Variants in ZNF385B observed in about 807,000 individuals in gnomAD.
ZNF385B encodes zinc finger protein 533.
In ZNF385B, 23 loss-of-function variants were observed where a neutral mutation model predicts 39.2. That is an observed-to-expected ratio of 0.59 (90% CI 0.42 to 0.83). The LOEUF (loss-of-function observed/expected upper bound fraction) is 0.83. Ranked by LOEUF, ZNF385B falls within the 40% of genes least tolerant of loss-of-function variation. The probability of loss-of-function intolerance (pLI) is 0.00; values close to 1 mark genes in which losing one functional copy is unlikely to be tolerated. For missense variants in ZNF385B, 552 were observed against 598.9 expected (o/e 0.92, Z 0.82); for synonymous variants, 205 against 222.6 (o/e 0.92, Z 0.70).
chr2:179,725,908 GTGTA>G (rs1405461952), intron 3 of ZNF385B, among the ~76,000 whole-genome samples: 3 of 111,094 alleles, frequency 2.7e-5, no homozygotes, highest in African/African-American at 8.8e-5. Context: ...GTGTTTGTGT[GTGTA>G]TATATATATA....
intron 5 of ZNF385B, among the ~76,000 whole-genome samples, chr2:179,504,347 G>A (rs2105744231): frequency 6.6e-6 from 1 of 151,932 alleles, no homozygotes; most frequent in East Asian, 1.9e-4. Flanking sequence ...ACGTGTGCAT[G>A]TGTCTTTATA....
intron 3 of ZNF385B, among the ~76,000 whole-genome samples, chr2:179,730,841 A>T (rs2106427506): frequency 6.6e-6 from 1 of 152,316 alleles, no homozygotes; most frequent in South Asian, 2.1e-4. Flanking sequence ...GCAGCCTAAA[A>T]TCAAAAGTAT....
chr2:179,557,469 T>C (rs1217654237), intron 3 of ZNF385B, among the ~76,000 whole-genome samples: 6 of 151,260 alleles, frequency 4.0e-5, no homozygotes, highest in African/African-American at 7.3e-5. Flanking sequence ...CAGTTTATTT[T>C]ATTTTATTAC....
intron 1 of ZNF385B, among the ~76,000 whole-genome samples, chr2:179,822,788 T>C (rs536177681): frequency 6.6e-6 from 1 of 152,200 alleles, no homozygotes; most frequent in Admixed American, 6.5e-5. Flanking sequence ...AATTATTCTT[T>C]GCACACAAAA....
At chr2:179,693,443 T>C (rs1464837492) in intron 3 of ZNF385B, among the ~76,000 whole-genome samples, 1 of 152,242 alleles carries the variant, frequency 6.6e-6, no homozygotes, top group East Asian at 1.9e-4. Flanking sequence ...CTATTCCTAC[T>C]GGCTGTCTGA....
At chr2:179,765,599 G>C (rs1404456895) in intron 3 of ZNF385B, among the ~76,000 whole-genome samples, 1 of 152,142 alleles carries the variant, frequency 6.6e-6, no homozygotes, top group East Asian at 1.9e-4. Flanking sequence ...CACTGTCCCA[G>C]TCTAACAGAA....
chr2:179,608,017 C>T (rs140461130), intron 3 of ZNF385B, among the ~76,000 whole-genome samples: 38 of 147,798 alleles, frequency 2.6e-4, no homozygotes, highest in South Asian at 1.3e-3. Context: ...TGGGTTTGAG[C>T]GATTCTCCTG....
chr2:179,745,865 C>T, intron 3 of ZNF385B: 1 of 1,309,430 alleles, frequency 7.6e-7, no homozygotes, highest in African/African-American at 1.5e-5. Context: ...GTGACAGCAC[C>T]ACGTTATATC....
rs369400753 is a variant in ZNF385B, at chr2:179,548,498, A to G, written c.299-3529T>C. ...CAATTCATCTGAATTGTAGAATTCA[A>G]TTATTTTTAGCATATTAACAGAGTT... is the stretch of plus-strand genomic sequence containing the variant. On this transcript the variant is annotated intron_variant, in intron 3 of 9. Coordinates refer to ENST00000410066, the MANE Select transcript of ZNF385B (RefSeq NM_152520.6). 8.7e-5 allele frequency among the ~76,000 whole-genome samples: 13 copies of G among 149,778 alleles called. No individual in the cohort carries two copies. The South Asian group carries it at 2.6e-3, about 30-fold the overall frequency.
intron 1 of ZNF385B, among the ~76,000 whole-genome samples, chr2:179,854,883 G>C (rs1684459876): frequency 6.6e-6 from 1 of 152,166 alleles, no homozygotes; most frequent in African/African-American, 2.4e-5. Flanking sequence ...TGTTAGTGAA[G>C]ATTTAACTGC....
chr2:179,524,990 T>C (rs987002857), intron 4 of ZNF385B, among the ~76,000 whole-genome samples: 1 of 152,216 alleles, frequency 6.6e-6, no homozygotes, highest in African/African-American at 2.4e-5. Flanking sequence ...AATTACCTCC[T>C]GTAGTCTCCA....
chr2:179,675,691 G>T (rs73973621), intron 3 of ZNF385B, among the ~76,000 whole-genome samples: 1 of 152,130 alleles, frequency 6.6e-6, no homozygotes, highest in African/African-American at 2.4e-5. Context: ...GTGGGTTGAG[G>T]TGAGGCCAAG....
At chr2:179,777,331 A>C (rs1218144130) in intron 1 of ZNF385B, among the ~76,000 whole-genome samples, 1 of 152,214 alleles carries the variant, frequency 6.6e-6, no homozygotes, top group Non-Finnish European at 1.5e-5. Context: ...TTCTTCTTAC[A>C]AACATAAAAT....
intron 3 of ZNF385B, among the ~76,000 whole-genome samples, chr2:179,767,158 A>T (rs1433451442): frequency 6.6e-6 from 1 of 152,238 alleles, no homozygotes; most frequent in African/African-American, 2.4e-5. Flanking sequence ...AAGCTGGAAG[A>T]TGCAGCTATC....
At chr2:179,815,183 C>A (rs1414733473) in intron 1 of ZNF385B, among the ~76,000 whole-genome samples, 1 of 152,084 alleles carries the variant, frequency 6.6e-6, no homozygotes, top group East Asian at 1.9e-4. Flanking sequence ...AAGAAAGGAA[C>A]AATGAATGTC....
In ZNF385B at chr2:179,692,798, T is replaced by C. The variant is rs1298474702; in HGVS notation, c.298+76705A>G. On this transcript the variant is annotated intron_variant, in intron 3 of 9. Coordinates refer to ENST00000410066, the MANE Select transcript of ZNF385B (RefSeq NM_152520.6). ...GGGATTCTGACTCATCACTCTTCCATGGTTAGTGCCTCTCCCTCAGTGCTT... is the reference window on the plus strand; with the variant it reads ...GGGATTCTGACTCATCACTCTTCCACGGTTAGTGCCTCTCCCTCAGTGCTT... Among the ~76,000 whole-genome samples, 7 of 152,190 alleles carry C rather than the reference T, an allele frequency of 4.6e-5. No homozygotes were observed. The South Asian group carries it at 1.5e-3, about 32-fold the overall frequency.
At chr2:179,752,373 T>C (rs1702733294) in intron 3 of ZNF385B, among the ~76,000 whole-genome samples, 1 of 152,188 alleles carries the variant, frequency 6.6e-6, no homozygotes, top group African/African-American at 2.4e-5. Context: ...TTTGCTATTG[T>C]GAATAGTGCC....
rs1371702735 is a variant in ZNF385B at position 179,443,417 on chromosome 2, G to C, written c.1294C>G (p.Leu432Val). 6.2e-7 allele frequency: 1 copy of C among 1,611,134 alleles called. No individual in the cohort carries two copies. Among genetic ancestry groups the C allele is most frequent in the East Asian group, 2.2e-5 (1 of 44,816 alleles). ...DMMKPLAPAF[L>V]SSPLAAAAAV... ...GCCGCCGCTGCGAGAGGTGAGGACAGGAAGGCTGGGGCCAAAGGCTTCATC... is the reference window on the plus strand; with the variant it reads ...GCCGCCGCTGCGAGAGGTGAGGACACGAAGGCTGGGGCCAAAGGCTTCATC... Residue 432 changes from leucine (L) to valine (V), a missense_variant, in exon 10 of 10, where the codon CTG becomes GTG. Leu to Val is a conservative substitution (Grantham distance 32). Coordinates refer to ENST00000410066, the MANE Select transcript of ZNF385B (RefSeq NM_152520.6).
rs200586896 is a variant in ZNF385B, at chr2:179,608,809, A to G, written c.299-63840T>C. ...AGATGAGAATAAGACAGACCTCATC[A>G]CCATTACAATGTAAGTTCCTGAAGG... is the stretch of plus-strand genomic sequence containing the variant. On this transcript the variant is annotated intron_variant, in intron 3 of 9. Coordinates refer to ENST00000410066, the MANE Select transcript of ZNF385B (RefSeq NM_152520.6). 4.0e-5 allele frequency among the ~76,000 whole-genome samples: 6 copies of G among 151,082 alleles called. No homozygotes were observed. The East Asian group carries it at 1.2e-3, about 29-fold the overall frequency.
Sources: gnomAD v4.1 joint callset for allele counts (sites outside exome capture counted in the v4.1 genomes callset) on GRCh38, gnomAD v4.1.1 for gene constraint, MANE v1.5 for transcripts, NCBI Gene and HGNC (gene_info 2026-07-23, HGNC 2026-07-21) for gene names.